The following ELMO3 variants were observed in gnomAD, a reference collection of about 807,000 sequenced individuals.
The protein encoded by ELMO3 is engulfment and cell motility 3, also known as engulfment and cell motility protein 3.
In ELMO3, 81 loss-of-function variants were observed where a neutral mutation model predicts 89.0. The observed-to-expected ratio is 0.91, with a 90% confidence interval of 0.76 to 1.09. ELMO3 has a LOEUF of 1.09. Ranked by LOEUF, ELMO3 falls within the 50% of genes least tolerant of loss-of-function variation. The pLI is 0.00. For missense variants in ELMO3, 959 were observed against 972.8 expected (o/e 0.99, Z 0.19); for synonymous variants, 406 against 400.6 (o/e 1.01, Z -0.16).
chr16:67,199,482 C>T (rs2033044872), intron 1 of ELMO3, 71 bp from the exon 2 acceptor site: 2 of 1,520,984 alleles, frequency 1.3e-6, no homozygotes, highest in Admixed American at 1.8e-5. Context: ...GGCAGCCCGC[C>T]CCACCCCTCC....
chr16:67,200,952 G>C lies in ELMO3; in HGVS notation c.728G>C (p.Ser243Thr). 6.2e-7 allele frequency: 1 copy of C among 1,607,684 alleles called. No homozygotes were observed. The highest frequency in any genetic ancestry group is 8.5e-7 in the Non-Finnish European group (1 of 1,178,318). Residue 243 changes from serine to threonine, a missense_variant, in exon 8 of 20, where the codon AGC becomes ACC. Physicochemically the swap from Ser to Thr is moderately conservative, Grantham distance 58. Transcript: ENST00000393997. ...ALLTALLQGA[S>T]PVERKHMLDY... ...CTGACAGCCTTGCTGCAGGGGGCCA[G>C]CCCTGTGGAACGCAAGGTGAGTGTC...
chr16:67,203,171 A>G lies in ELMO3; in HGVS notation c.1728A>G (p.Gly576=). The G allele has an allele frequency of 6.2e-7, 1 of 1,612,232 alleles. No individual in the cohort carries two copies. The highest frequency in any genetic ancestry group is 8.5e-7 in the Non-Finnish European group (1 of 1,179,840). Residue 576 remains glycine, a synonymous_variant, in exon 17 of 20, where the codon GGA becomes GGG. Coordinates refer to ENST00000393997, the MANE Select transcript of ELMO3 (RefSeq NM_024712.5). This position sits in a 1 kb window ranked among gnomAD's most constrained non-coding sequence, Gnocchi z 4.6. ...LSPNHKLLQY[G]DMEEGASPPT... Reference sequence around the variant, plus strand: ...CCAACCACAAGCTGCTGCAGTACGGAGACATGGAGGAGGGCGCCAGCCCGC... The same window carrying G: ...CCAACCACAAGCTGCTGCAGTACGGGGACATGGAGGAGGGCGCCAGCCCGC...
chr16:67,201,493 T>C, intron 9 of ELMO3, 27 bp from the exon 10 acceptor site: 1 of 1,613,960 alleles, frequency 6.2e-7, no homozygotes, highest in Non-Finnish European at 8.5e-7. Context: ...GAGCCCTCGC[T>C]TACACCAGGG....
intron 14 of ELMO3, 29 bp from the exon 15 acceptor site, chr16:67,202,598 G>A (rs752640533): frequency 6.2e-7 from 1 of 1,613,058 alleles, no homozygotes; most frequent in East Asian, 2.2e-5. Flanking sequence ...ACAGAGCTTA[G>A]GCCCTGAGCT....
chr16:67,202,296 G>C lies in ELMO3; in HGVS notation c.1261+12G>C. The C allele has an allele frequency of 1.2e-5, 19 of 1,612,486 alleles. No homozygotes were observed. Among genetic ancestry groups the C allele is most frequent in the Non-Finnish European group, 1.5e-5 (18 of 1,179,348 alleles). On this transcript the variant is annotated intron_variant, in intron 13 of 19. Coordinates refer to ENST00000393997, the MANE Select transcript of ELMO3 (RefSeq NM_024712.5). ...TGTTGGGGAGCCCTGTGAGTGGCCT[G>C]GACTGGGCACAGCATGGCCAAGAGC...
chr16:67,203,579 G>T lies in ELMO3; in HGVS notation c.1946G>T (p.Arg649Leu), dbSNP rs781715436. 19 of 1,613,984 alleles carry T rather than the reference G, an allele frequency of 1.2e-5. No homozygotes were observed. Among genetic ancestry groups the T allele is most frequent in the Non-Finnish European group, 1.5e-5 (18 of 1,180,032 alleles). The change falls in exon 19 of 20, where the codon CGG becomes CTG. Residue 649 changes from arginine (R) to leucine (L), a missense_variant. Coordinates refer to ENST00000393997, the MANE Select transcript of ELMO3 (RefSeq NM_024712.5). This position sits in a 1 kb window ranked among gnomAD's most constrained non-coding sequence, Gnocchi z 4.6. ...CTCAACTTCATTGCCCCCTCCAAGC[G>T]GGAGGTGAGTGTCCGCCAGGCTGAG... is the stretch of plus-strand genomic sequence containing the variant. ...AYLNFIAPSK[R>L]EFYLWTDGLS...
At position 67,200,669 on chromosome 16, in the gene ELMO3, G is replaced by A. The variant is rs764532281; in HGVS notation, c.526G>A (p.Val176Met). 1.2e-5 allele frequency: 19 copies of A among 1,613,030 alleles called. No individual in the cohort carries two copies. The highest frequency in any genetic ancestry group is 1.7e-5 in the Admixed American group (1 of 60,016). ...CCGCCCCTTACAGGTGGTGTGCTAC[G>A]TGAACATGAACCTCATGGATGCCTC... ...IPFVRKVVCY[V>M]NMNLMDASVP... is the part of the protein sequence containing the mutation. The change falls in exon 7 of 20, where the codon GTG becomes ATG. Residue 176 changes from valine (V) to methionine (M), a missense_variant. Coordinates refer to ENST00000393997, the MANE Select transcript of ELMO3 (RefSeq NM_024712.5).
chr16:67,200,351 G>A lies in ELMO3; in HGVS notation c.403G>A (p.Asp135Asn), dbSNP rs200393647. ...CCAGATACTAGGCACCATCATTGAA[G>A]ATGGGGACGAGTGAGCACAGGGATG... is the stretch of plus-strand genomic sequence containing the variant. ...GLQILGTIIEDGDDLGEVLAL... is the reference protein window; with the variant it reads ...GLQILGTIIENGDDLGEVLAL... Residue 135 changes from aspartate to asparagine, a missense_variant, in exon 5 of 20, where the codon GAT (aspartate) becomes AAT (asparagine). Transcript: ENST00000393997. 153 of 1,613,924 alleles carry A rather than the reference G, an allele frequency of 9.5e-5. No individual in the cohort carries two copies. The East Asian group carries it at 3.3e-3, about 35-fold the overall frequency.
At position 67,201,827 on chromosome 16, in the gene ELMO3, G is replaced by A. The variant is rs532593956; in HGVS notation, c.1004G>A (p.Arg335His). Residue 335 changes from arginine (R) to histidine (H), a missense_variant, in exon 11 of 20, where the codon CGT (arginine) becomes CAT (histidine). Transcript: ENST00000393997. Reference sequence around the variant, plus strand: ...TCGGGTGCCGGGCTAAGTGCTGACCGTCGCCGTTCCCTCTGTGCCCGAGAG... The same window carrying A: ...TCGGGTGCCGGGCTAAGTGCTGACCATCGCCGTTCCCTCTGTGCCCGAGAG... ...ESSGAGLSADRRRSLCAREFR... is the reference protein window; with the variant it reads ...ESSGAGLSADHRRSLCAREFR... The A allele has an allele frequency of 7.4e-6, 12 of 1,611,576 alleles. No homozygotes were observed. The highest frequency in any genetic ancestry group is 1.1e-5 in the South Asian group (1 of 91,040).
In ELMO3 at chr16:67,199,712, GC is replaced by G; in HGVS notation, c.151del (p.Leu51CysfsTer54). ...GAGCCTGACGCACTCTGAGCGTTAC[GC>G]CCTGCAGTTTGCGGATGGGCACCGG... ...AWSLTHSERY[A>X]LQFADGHRRY... On this transcript the variant is annotated frameshift_variant, in exon 3 of 20. Coordinates refer to ENST00000393997, the MANE Select transcript of ELMO3 (RefSeq NM_024712.5). LOFTEE classifies it high-confidence loss of function. 6.2e-7 allele frequency: 1 copy of G among 1,611,032 alleles called. No homozygotes were observed. Among genetic ancestry groups the G allele is most frequent in the Non-Finnish European group, 8.5e-7 (1 of 1,179,874 alleles).
Position 67,202,733 on chromosome 16 carries a change from T to C in ELMO3, c.1505T>C (p.Leu502Pro). ...AATGCGCTCACTTATGGGGAGGTGC[T>C]GCGGCTGCGGCAGACTGAACGGCTG... is the stretch of plus-strand genomic sequence containing the variant. ...KVNALTYGEV[L>P]RLRQTERLHQ... Residue 502 changes from leucine to proline, a missense_variant, in exon 15 of 20, where the codon CTG becomes CCG. Leu to Pro is a moderately conservative substitution (Grantham distance 98, BLOSUM62 -3). Transcript: ENST00000393997. The C allele has an allele frequency of 6.2e-7, 1 of 1,613,612 alleles. No homozygotes were observed. Among genetic ancestry groups the C allele is most frequent in the South Asian group, 1.1e-5 (1 of 91,080 alleles).
intron 8 of ELMO3, 91 bp from the exon 9 acceptor site, chr16:67,201,294 T>C: frequency 6.4e-7 from 1 of 1,560,900 alleles, no homozygotes; most frequent in South Asian, 1.1e-5. Context: ...CCTGACCTCG[T>C]GATCCGCCCG....
At chr16:67,201,154 T>C (rs970696992) in intron 8 of ELMO3, among the ~76,000 whole-genome samples, 186 bp downstream of exon 8, 11 of 148,404 alleles carry the variant, frequency 7.4e-5, no homozygotes, top group Non-Finnish European at 7.4e-5. Flanking sequence ...CACACCATTC[T>C]CCTGCCTCAG....
intron 1 of ELMO3, 72 bp downstream of exon 1, chr16:67,199,476 G>GGCCCCCCC: frequency 4.0e-6 from 6 of 1,503,432 alleles, no homozygotes; most frequent in South Asian, 1.2e-5. Flanking sequence ...CCTCGGGGCA[G>GGCCCCCCC]CCCGCCCCAC....
Position 67,203,754 on chromosome 16 carries a change from C to T in ELMO3, c.2040C>T (p.Thr680=), listed in dbSNP as rs769102091. 5 of 1,613,404 alleles carry T rather than the reference C, an allele frequency of 3.1e-6. No homozygotes were observed. In the East Asian group the frequency reaches 8.9e-5, roughly 29 times the overall value. The change falls in exon 20 of 20, where the codon ACC becomes ACT. Residue 680 remains threonine, a synonymous_variant. Coordinates refer to ENST00000393997, the MANE Select transcript of ELMO3 (RefSeq NM_024712.5). The surrounding 1 kb of genome is among the most constrained non-coding windows in gnomAD (Gnocchi z 4.6). ...GGCTGGACCTGGAGCAGCTGCTGACCATGGAGACCAAGCTGCGTCTGCTGG... is the reference window on the plus strand; with the variant it reads ...GGCTGGACCTGGAGCAGCTGCTGACTATGGAGACCAAGCTGCGTCTGCTGG... ...QTRLDLEQLL[T]METKLRLLEL...
Position 67,202,253 on chromosome 16 carries a change from G to C in ELMO3, c.1230G>C (p.Leu410=). The change falls in exon 13 of 20, where the codon CTG becomes CTC. Residue 410 remains leucine (L), a synonymous_variant. Coordinates refer to ENST00000393997, the MANE Select transcript of ELMO3 (RefSeq NM_024712.5). ...GGGGCAGCATCCAGCTGACGGTGCTGCTGTGTGAGCTGCTCCGTGTTGGGG... is the reference window on the plus strand; with the variant it reads ...GGGGCAGCATCCAGCTGACGGTGCTCCTGTGTGAGCTGCTCCGTGTTGGGG... The part of the protein sequence containing the change: ...FARGSIQLTV[L]LCELLRVGEP... The C allele has an allele frequency of 6.2e-7, 1 of 1,606,256 alleles. No homozygotes were observed. The highest frequency in any genetic ancestry group is 8.5e-7 in the Non-Finnish European group (1 of 1,174,494).
At position 67,202,069 on chromosome 16, in the gene ELMO3, G is replaced by A. The variant is rs201999429; in HGVS notation, c.1143G>A (p.Ala381=). 166 of 1,325,744 alleles carry A rather than the reference G, an allele frequency of 1.3e-4. No individual in the cohort carries two copies. The Middle Eastern group carries it at 1.4e-3, about 11-fold the overall frequency. 82.1% of individuals were successfully genotyped at this position (1,325,744 alleles called of 1,614,324 possible). Residue 381 remains alanine (A), a synonymous_variant, in exon 12 of 20, where the codon GCG becomes GCA. Transcript: ENST00000393997. ...ACTTCTCCAGAAACGCGCCCAGCGC[G>A]TACAGCCGGGTCGGTGACAGGGTAG... ...MLYFSRNAPS[A]YSRFVLENSS... is the part of the protein sequence containing the mutation.
Position 67,201,979 on chromosome 16 carries a change from C to G in ELMO3, c.1053C>G (p.Asn351Lys), listed in dbSNP as rs772399114. ...CTGCCTGTGCCCACTTCCCCCAGAA[C>G]AGCAACCCAGCACAGGACCTGGAGC... is the stretch of plus-strand genomic sequence containing the variant. ...AREFRKLGFS[N>K]SNPAQDLERV... is the part of the protein sequence containing the mutation. The change falls in exon 12 of 20, where the codon AAC (asparagine) becomes AAG (lysine). Residue 351 changes from asparagine to lysine, a missense_variant and splice_region_variant. By Grantham distance (94) the Asn-to-Lys change is moderately conservative. Coordinates refer to ENST00000393997, the MANE Select transcript of ELMO3 (RefSeq NM_024712.5). 2 of 1,612,950 alleles carry G rather than the reference C, an allele frequency of 1.2e-6. No homozygotes were observed. Among genetic ancestry groups the G allele is most frequent in the East Asian group, 2.2e-5 (1 of 44,890 alleles).
Position 67,200,014 on chromosome 16 carries a change from C to T in ELMO3, c.243+13C>T, listed in dbSNP as rs1383383285. On this transcript the variant is annotated intron_variant, in intron 4 of 19. Coordinates refer to ENST00000393997, the MANE Select transcript of ELMO3 (RefSeq NM_024712.5). ...CAGCACGGCCCCAGTAATGCCCCTC[C>T]CGTCCCGCCTTCCCCATCCCTGCCC... is the stretch of plus-strand genomic sequence containing the variant. 6.2e-7 allele frequency: 1 copy of T among 1,613,358 alleles called. No homozygotes were observed. The highest frequency in any genetic ancestry group is 2.2e-5 in the East Asian group (1 of 44,846).
Sources: gnomAD v4.1 joint callset for allele counts (sites outside exome capture counted in the v4.1 genomes callset) on GRCh38, gnomAD v4.1.1 for gene constraint, Gnocchi (gnomAD v3.1) non-coding constraint, MANE v1.5 for transcripts, NCBI Gene and HGNC (gene_info 2026-07-23, HGNC 2026-07-21) for gene names.